The following SPNS3 variants were observed in gnomAD, a reference collection of about 807,000 sequenced individuals.
The protein encoded by SPNS3 is SPNS lysolipid transporter 3, sphingosine-1-phosphate (putative).
SPNS3 carries 51 observed loss-of-function variants against 54.4 expected under a neutral mutation model. That is an observed-to-expected ratio of 0.94 (90% CI 0.75 to 1.18). The LOEUF (loss-of-function observed/expected upper bound fraction) is 1.18. SPNS3 is among the 50% of genes most tolerant of loss of function. The pLI is 0.00. For synonymous variants in SPNS3, 309 were observed against 294.7 expected, an observed-to-expected ratio of 1.05 and a Z score of -0.50; for missense variants, 669 against 677.4, an observed-to-expected ratio of 0.99 and a Z score of 0.14.
At chr17:4,452,631 G>T (rs563066120) in intron 7 of SPNS3, among the ~76,000 whole-genome samples, 73 of 152,182 alleles carry the variant, frequency 4.8e-4, no homozygotes, top group African/African-American at 1.7e-3. Flanking sequence ...AAAGAGAGAA[G>T]GTTGGGGCCA....
intron 2 of SPNS3, among the ~76,000 whole-genome samples, chr17:4,443,245 A>AT (rs1970899648): frequency 1.3e-5 from 2 of 151,920 alleles, no homozygotes; most frequent in Non-Finnish European, 2.9e-5. Flanking sequence ...TAACTTCTGT[A>AT]TTTTTAGTAG....
At chr17:4,464,298 T>G (rs1337302980) in intron 8 of SPNS3, among the ~76,000 whole-genome samples, 1 of 152,202 alleles carries the variant, frequency 6.6e-6, no homozygotes, top group Non-Finnish European at 1.5e-5. Flanking sequence ...TTATACCACC[T>G]TCGTTGGCCT....
intron 9 of SPNS3, among the ~76,000 whole-genome samples, chr17:4,480,094 G>A (rs1972112565): frequency 6.6e-6 from 1 of 151,390 alleles, no homozygotes; most frequent in South Asian, 2.1e-4. Flanking sequence ...CTGCCAAGAT[G>A]TCTGCCCCTC....
intron 9 of SPNS3, among the ~76,000 whole-genome samples, chr17:4,484,435 C>T (rs1972255208): frequency 6.6e-6 from 1 of 152,196 alleles, no homozygotes; most frequent in Non-Finnish European, 1.5e-5. Flanking sequence ...ATTCTCCTGC[C>T]TCAGCCTCCT....
rs370938362 is a variant in SPNS3, at chr17:4,440,155, C to G, written c.265+432C>G. Reference sequence around the variant, plus strand: ...ACAGACACAGACAGGCACATCCCCCCACATGGGCTCAGATGGACTCTGGGC... The same window carrying G: ...ACAGACACAGACAGGCACATCCCCCGACATGGGCTCAGATGGACTCTGGGC... On this transcript the variant is annotated intron_variant, in intron 2 of 11. Transcript: ENST00000355530. Among the ~76,000 whole-genome samples the G allele has an allele frequency of 2.8e-4, 43 of 152,262 alleles. 1 individual carries two copies. The South Asian group carries it at 8.7e-3, about 31-fold the overall frequency.
In SPNS3 at chr17:4,446,160, G is replaced by A. The variant is rs202193147; in HGVS notation, c.515G>A (p.Arg172His). The change falls in exon 4 of 12, where the codon CGC becomes CAC. Residue 172 changes from arginine to histidine, a missense_variant. By Grantham distance (29) the Arg-to-His change is conservative. Coordinates refer to ENST00000355530, the MANE Select transcript of SPNS3 (RefSeq NM_182538.5). ...CTCTTCGTGAGGGACCAGCGCACCC[G>A]CGTGCTGGCTGTCTTCTACATCTTT... ...GDLFVRDQRT[R>H]VLAVFYIFIP... 305 of 1,613,088 alleles carry A rather than the reference G, an allele frequency of 1.9e-4. 1 individual carries two copies. Among genetic ancestry groups the A allele is most frequent in the East Asian group, 1.7e-3 (75 of 44,836 alleles).
Position 4,454,348 on chromosome 17 carries a change from G to A in SPNS3, c.1113+1143G>A, listed in dbSNP as rs1373290096. Among the ~76,000 whole-genome samples, 13 of 152,388 alleles carry A rather than the reference G, an allele frequency of 8.5e-5. No individual in the cohort carries two copies. The East Asian group carries it at 2.1e-3, about 25-fold the overall frequency. On this transcript the variant is annotated intron_variant, in intron 8 of 11. Transcript: ENST00000355530. ...CGCCAGCCCAGCCACAAGCAGAGGG[G>A]CTAGACCTCTCCTCCTTTCCCAGCT...
At chr17:4,451,052 C>A (rs1415533811) in intron 7 of SPNS3, among the ~76,000 whole-genome samples, 1 of 151,862 alleles carries the variant, frequency 6.6e-6, no homozygotes, top group Non-Finnish European at 1.5e-5. Flanking sequence ...GGCGGGGGTG[C>A]ATTTTCAGGC....
chr17:4,471,244 C>G (rs1040170032), intron 8 of SPNS3, among the ~76,000 whole-genome samples: 87 of 151,668 alleles, frequency 5.7e-4, no homozygotes, highest in African/African-American at 2.0e-3. Context: ...CTTTAAGCAT[C>G]ATCCTTGTAG....
chr17:4,468,975 C>A (rs760624817), intron 8 of SPNS3, among the ~76,000 whole-genome samples: 5 of 151,600 alleles, frequency 3.3e-5, no homozygotes, highest in Non-Finnish European at 7.4e-5. Context: ...TTGGTAGAGA[C>A]GGGGGTTTCA....
intron 5 of SPNS3, among the ~76,000 whole-genome samples, chr17:4,447,313 A>G (rs1971024711): frequency 6.6e-6 from 1 of 152,234 alleles, no homozygotes; most frequent in South Asian, 2.1e-4. Flanking sequence ...TCCAAGCCGC[A>G]GGGTCAGGGT....
Position 4,486,653 on chromosome 17 carries a change from C to A in SPNS3, c.1450+70C>A, listed in dbSNP as rs1597349555. Reference sequence around the variant, plus strand: ...AGGGACAGACAGCACTGGCCACCCCCTGAATCCCTGGCCAGTTTGTTTGTT... The same window carrying A: ...AGGGACAGACAGCACTGGCCACCCCATGAATCCCTGGCCAGTTTGTTTGTT... On this transcript the variant is annotated intron_variant, in intron 11 of 11. Transcript: ENST00000355530. This position sits in a 1 kb window ranked among gnomAD's most constrained non-coding sequence, Gnocchi z 5.5. 6.8e-7 allele frequency: 1 copy of A among 1,465,792 alleles called. No homozygotes were observed. The highest frequency in any genetic ancestry group is 2.3e-5 in the East Asian group (1 of 43,212). The allele number at this position is 1,465,792 out of a possible 1,614,324, so 90.8% of individuals were successfully genotyped here.
At chr17:4,452,783 GA>G (rs1470868238) in intron 7 of SPNS3, among the ~76,000 whole-genome samples, 1 of 152,016 alleles carries the variant, frequency 6.6e-6, no homozygotes, top group Non-Finnish European at 1.5e-5. Context: ...GATGAGACAG[GA>G]GATGAGGCAG....
chr17:4,475,995 C>T (rs182952084), intron 8 of SPNS3, among the ~76,000 whole-genome samples: 60 of 152,308 alleles, frequency 3.9e-4, no homozygotes, highest in African/African-American at 1.3e-3. Context: ...ACCCTGGCGT[C>T]GTACCGTTGG....
Position 4,434,020 on chromosome 17 carries a change from A to G in SPNS3, c.53A>G (p.Gln18Arg). ...CCTGAGCCTGGGCCAGGAGGTCTGC[A>G]GGGCCAGTCCCCAGGGCCAGGCAGG... is the stretch of plus-strand genomic sequence containing the variant. ...ECPEPGPGGL[Q>R]GQSPGPGRQC... is the part of the protein sequence containing the mutation. The change falls in exon 1 of 12, where the codon CAG (glutamine) becomes CGG (arginine). Residue 18 changes from glutamine (Q) to arginine (R), a missense_variant. Coordinates refer to ENST00000355530, the MANE Select transcript of SPNS3 (RefSeq NM_182538.5). 1.9e-6 allele frequency: 3 copies of G among 1,602,052 alleles called. No individual in the cohort carries two copies. Among genetic ancestry groups the G allele is most frequent in the Non-Finnish European group, 2.6e-6 (3 of 1,173,992 alleles).
Position 4,486,624 on chromosome 17 carries a change from C to A in SPNS3, c.1450+41C>A. 6.4e-7 allele frequency: 1 copy of A among 1,572,044 alleles called. No individual in the cohort carries two copies. The highest frequency in any genetic ancestry group is 1.4e-5 in the African/African-American group (1 of 73,614). On this transcript the variant is annotated intron_variant, in intron 11 of 11. Transcript: ENST00000355530. This position sits in a 1 kb window ranked among gnomAD's most constrained non-coding sequence, Gnocchi z 5.5. ...CACCAGGCCCGGCTCAGGGCCGGCA[C>A]CCTAGGGACAGACAGCACTGGCCAC...
intron 2 of SPNS3, among the ~76,000 whole-genome samples, chr17:4,441,392 G>T (rs779664839): frequency 3.9e-5 from 6 of 152,068 alleles, no homozygotes; most frequent in Non-Finnish European, 8.8e-5. Flanking sequence ...AAAGAGTTAC[G>T]TGAGCAACAG....
intron 8 of SPNS3, among the ~76,000 whole-genome samples, chr17:4,469,931 G>T (rs773720422): frequency 6.6e-6 from 1 of 152,032 alleles, no homozygotes; most frequent in Non-Finnish European, 1.5e-5. Context: ...GAAAATAACC[G>T]TTATTCACGT....
At chr17:4,458,634 TTTCTTTCTTTCTTTCCTTCC>T (rs1971408302) in intron 8 of SPNS3, among the ~76,000 whole-genome samples, 5 of 136,750 alleles carry the variant, frequency 3.7e-5, no homozygotes, top group Admixed American at 1.5e-4. Flanking sequence ...TCTTTCTTTC[TTTCTTTCTTTCTTTCCTTCC>T]TTCTTTCTTT....
Sources: gnomAD v4.1 joint callset for allele counts (sites outside exome capture counted in the v4.1 genomes callset) on GRCh38, gnomAD v4.1.1 for gene constraint, Gnocchi (gnomAD v3.1) non-coding constraint, MANE v1.5 for transcripts, NCBI Gene and HGNC (gene_info 2026-07-23, HGNC 2026-07-21) for gene names.